Variants in ZNF385B observed in about 807,000 individuals in gnomAD.
The protein encoded by ZNF385B is zinc finger protein 385B, also known as zinc finger protein 533.
Under a neutral mutation model 39.2 loss-of-function variants are expected in ZNF385B, and 23 were observed. The ratio of observed to expected loss-of-function variants is 0.59; its 90% CI spans 0.42 to 0.83. The LOEUF (loss-of-function observed/expected upper bound fraction) is 0.83, where lower values mean the gene tolerates loss of function less well. ZNF385B is among the 40% of genes least tolerant of loss of function. ZNF385B has a pLI of 0.00. For synonymous variants in ZNF385B, 205 were observed against 222.6 expected, an observed-to-expected ratio of 0.92 and a Z score of 0.70; for missense variants, 552 against 598.9, an observed-to-expected ratio of 0.92 and a Z score of 0.82.
chr2:179,520,247 C>A (rs2058387377), intron 4 of ZNF385B, among the ~76,000 whole-genome samples: 1 of 151,732 alleles, frequency 6.6e-6, no homozygotes, highest in African/African-American at 2.4e-5. Flanking sequence ...CAAATCTATA[C>A]ATATATTAAA....
At chr2:179,715,851 C>A (rs1700296892) in intron 3 of ZNF385B, among the ~76,000 whole-genome samples, 1 of 151,642 alleles carries the variant, frequency 6.6e-6, no homozygotes, top group Non-Finnish European at 1.5e-5. Context: ...TGATAAATAC[C>A]CATCATGAAT....
intron 3 of ZNF385B, among the ~76,000 whole-genome samples, chr2:179,766,780 T>TTG (rs889805087): frequency 8.5e-5 from 13 of 152,178 alleles, no homozygotes; most frequent in African/African-American, 3.1e-4. Flanking sequence ...ATATATTTTT[T>TTG]TGTGTGTGTG....
chr2:179,493,648 C>T (rs1303043445), intron 5 of ZNF385B, among the ~76,000 whole-genome samples: 24 of 101,154 alleles, frequency 2.4e-4, no homozygotes, highest in Non-Finnish European at 3.7e-4. Flanking sequence ...TACACATATG[C>T]GTATACATAT....
At chr2:179,644,917 A>G (rs1220454829) in intron 3 of ZNF385B, among the ~76,000 whole-genome samples, 1 of 152,218 alleles carries the variant, frequency 6.6e-6, no homozygotes, top group Non-Finnish European at 1.5e-5. Flanking sequence ...TACATCTCAT[A>G]TAGACCACAT....
chr2:179,483,016 C>T (rs1248821282), intron 6 of ZNF385B, among the ~76,000 whole-genome samples: 1 of 150,780 alleles, frequency 6.6e-6, no homozygotes, highest in African/African-American at 2.4e-5. Flanking sequence ...TGTTTTCATG[C>T]ATATATACTT....
rs777425011 is a variant in ZNF385B, at chr2:179,564,362, G to T, written c.299-19393C>A. On this transcript the variant is annotated intron_variant, in intron 3 of 9. Coordinates refer to ENST00000410066, the MANE Select transcript of ZNF385B (RefSeq NM_152520.6). Reference sequence around the variant, plus strand: ...ACATTTAAATGGTTATCTAAAAAATGAGAAGAGCTTGGATGGATCCAAAGG... The same window carrying T: ...ACATTTAAATGGTTATCTAAAAAATTAGAAGAGCTTGGATGGATCCAAAGG... Among the ~76,000 whole-genome samples the T allele has an allele frequency of 3.9e-5, 6 of 152,240 alleles. No individual in the cohort carries two copies. In the South Asian group the frequency reaches 1.2e-3, roughly 32 times the overall value.
At chr2:179,773,473 C>T (rs1296968817) in intron 1 of ZNF385B, among the ~76,000 whole-genome samples, 1 of 152,250 alleles carries the variant, frequency 6.6e-6, no homozygotes, top group Non-Finnish European at 1.5e-5. Flanking sequence ...TTTCCTTCCT[C>T]CCCACTTTTC....
At chr2:179,665,945 C>T (rs1304434861) in intron 3 of ZNF385B, among the ~76,000 whole-genome samples, 2 of 152,086 alleles carry the variant, frequency 1.3e-5, no homozygotes, top group East Asian at 3.9e-4. Context: ...AATGCTCTGA[C>T]TGTTTATCCC....
chr2:179,509,130 T>C (rs1212962836), intron 5 of ZNF385B, among the ~76,000 whole-genome samples: 1 of 152,064 alleles, frequency 6.6e-6, no homozygotes, highest in Non-Finnish European at 1.5e-5. Context: ...GTATTTTTAG[T>C]AGAGATGGGG....
chr2:179,444,757 G>A (rs2049297402), intron 9 of ZNF385B, 119 bp downstream of exon 9: 3 of 829,248 alleles, frequency 3.6e-6, no homozygotes, highest in East Asian at 5.0e-5. Context: ...CTGTCTATGA[G>A]GGCTATTTAA....
At chr2:179,728,437 A>G (rs1701163221) in intron 3 of ZNF385B, among the ~76,000 whole-genome samples, 1 of 152,120 alleles carries the variant, frequency 6.6e-6, no homozygotes, top group Admixed American at 6.5e-5. Context: ...ATCAAAATCC[A>G]TTGGTAGCTC....
intron 1 of ZNF385B, among the ~76,000 whole-genome samples, chr2:179,794,811 G>A (rs531440960): frequency 1.3e-5 from 2 of 152,184 alleles, no homozygotes; most frequent in African/African-American, 4.8e-5. Context: ...TGGGGACACC[G>A]CTGAGCAGGA....
chr2:179,832,113 T>C (rs1708019248), intron 1 of ZNF385B, among the ~76,000 whole-genome samples: 1 of 152,146 alleles, frequency 6.6e-6, no homozygotes, highest in Non-Finnish European at 1.5e-5. Flanking sequence ...TCAGATTAAT[T>C]AAACTGTGTC....
chr2:179,442,211 G>A lies in ZNF385B; in HGVS notation c.*1039C>T, dbSNP rs1011252096. ...TATTCAGCGAACAGAAAGACAAATTGTTCAATTATAAATTTTTTTATCTTC... is the reference window on the plus strand; with the variant it reads ...TATTCAGCGAACAGAAAGACAAATTATTCAATTATAAATTTTTTTATCTTC... On this transcript the variant is annotated 3_prime_UTR_variant, in exon 10 of 10. Transcript: ENST00000410066. 7 of 152,562 alleles carry A rather than the reference G, an allele frequency of 4.6e-5. No individual in the cohort carries two copies. Among genetic ancestry groups the A allele is most frequent in the African/African-American group, 1.7e-4 (7 of 41,436 alleles). The allele number at this position is 152,562 out of a possible 1,614,324, so 9.5% of individuals were successfully genotyped here.
chr2:179,512,880 CTG>C (rs967389435), intron 5 of ZNF385B, among the ~76,000 whole-genome samples: 2 of 152,264 alleles, frequency 1.3e-5, no homozygotes, highest in African/African-American at 4.8e-5. Context: ...ATTTACATAA[CTG>C]TGTATTGTGT....
chr2:179,589,089 T>C (rs1687342627), intron 3 of ZNF385B, among the ~76,000 whole-genome samples: 1 of 152,172 alleles, frequency 6.6e-6, no homozygotes, highest in South Asian at 2.1e-4. Context: ...CCCATATCTT[T>C]TCAGTGACAA....
At chr2:179,750,600 C>G (rs1046304198) in intron 3 of ZNF385B, among the ~76,000 whole-genome samples, 15 of 152,020 alleles carry the variant, frequency 9.9e-5, no homozygotes, top group Admixed American at 6.6e-4. Context: ...ATATTTTGAC[C>G]AAGGCCTTTT....
intron 5 of ZNF385B, among the ~76,000 whole-genome samples, chr2:179,506,401 T>C (rs765697776): frequency 3.3e-5 from 5 of 152,158 alleles, no homozygotes; most frequent in Non-Finnish European, 7.3e-5. Context: ...CGATTTTGGC[T>C]GGTAGCATTA....
intron 1 of ZNF385B, among the ~76,000 whole-genome samples, chr2:179,807,105 G>A (rs1320872275): frequency 6.6e-6 from 1 of 152,032 alleles, no homozygotes; most frequent in Non-Finnish European, 1.5e-5. Flanking sequence ...ACAGAGAAAT[G>A]TCCGTTTCTA....
Sources: gnomAD v4.1 joint callset for allele counts (sites outside exome capture counted in the v4.1 genomes callset) on GRCh38, gnomAD v4.1.1 for gene constraint, MANE v1.5 for transcripts, NCBI Gene and HGNC (gene_info 2026-07-23, HGNC 2026-07-21) for gene names.